The following NEDD4L variants were observed in gnomAD, a reference collection of about 807,000 sequenced individuals.
The protein encoded by NEDD4L is NEDD4 like E3 ubiquitin protein ligase.
Under a neutral mutation model 148.9 loss-of-function variants are expected in NEDD4L, and 54 were observed. The ratio of observed to expected loss-of-function variants is 0.36; its 90% CI spans 0.29 to 0.45. The LOEUF (loss-of-function observed/expected upper bound fraction) is 0.45, where lower values mean the gene tolerates loss of function less well. Among genes scored for constraint, NEDD4L ranks in the 20% least tolerant of loss-of-function variants. The pLI, the probability that NEDD4L is intolerant of heterozygous loss-of-function variation, is 1.00. For missense variants in NEDD4L, 856 were observed against 1,233.8 expected (o/e 0.69, Z 4.59); for synonymous variants, 433 against 440.7 (o/e 0.98, Z 0.22).
chr18:58,152,341 G>C (rs1275395463), intron 1 of NEDD4L, among the ~76,000 whole-genome samples: 2 of 152,164 alleles, frequency 1.3e-5, no homozygotes, highest in African/African-American at 4.8e-5. Flanking sequence ...GGCTCCGAGA[G>C]AGTCAAATAT....
intron 1 of NEDD4L, among the ~76,000 whole-genome samples, chr18:58,145,389 C>T (rs1380328866): frequency 3.3e-5 from 5 of 152,102 alleles, no homozygotes; most frequent in African/African-American, 9.7e-5. Context: ...AATAATATAC[C>T]GTGGGTATCT....
At chr18:58,304,263 A>G (rs1409283873) in intron 5 of NEDD4L, among the ~76,000 whole-genome samples, 1 of 151,800 alleles carries the variant, frequency 6.6e-6, no homozygotes, top group East Asian at 1.9e-4. Flanking sequence ...TCATACCTGT[A>G]ATCTCAGCAC....
At chr18:58,050,981 C>A (rs2081841600) in intron 1 of NEDD4L, among the ~76,000 whole-genome samples, 1 of 152,140 alleles carries the variant, frequency 6.6e-6, no homozygotes, top group Non-Finnish European at 1.5e-5. Flanking sequence ...CTCAATATAT[C>A]TGGTATATTT....
intron 1 of NEDD4L, among the ~76,000 whole-genome samples, chr18:58,056,684 G>A (rs769054031): frequency 1.3e-5 from 2 of 151,958 alleles, no homozygotes; most frequent in African/African-American, 2.4e-5. Flanking sequence ...GGGTTTAAGC[G>A]ATTCTCCTGC....
At chr18:58,368,236 G>A (rs1041900364) in intron 22 of NEDD4L, among the ~76,000 whole-genome samples, 7 of 133,904 alleles carry the variant, frequency 5.2e-5, no homozygotes, top group African/African-American at 2.3e-4. Context: ...TGTGATTATT[G>A]CGTTTGTCCC....
At chr18:58,087,530 G>A (rs1387687031) in intron 1 of NEDD4L, among the ~76,000 whole-genome samples, 4 of 151,984 alleles carry the variant, frequency 2.6e-5, no homozygotes, top group African/African-American at 9.7e-5. Flanking sequence ...GTTAGTTTTT[G>A]TTATGTGTTG....
chr18:58,343,300 C>G (rs567265522), intron 16 of NEDD4L, among the ~76,000 whole-genome samples, 197 bp downstream of exon 16: 1 of 152,018 alleles, frequency 6.6e-6, no homozygotes, highest in South Asian at 2.1e-4. Flanking sequence ...TGGTAGCTGT[C>G]TTTGGTATTG....
At chr18:58,123,377 C>T (rs1318413650) in intron 1 of NEDD4L, among the ~76,000 whole-genome samples, 3 of 152,186 alleles carry the variant, frequency 2.0e-5, no homozygotes, top group South Asian at 2.1e-4. Flanking sequence ...CACTTGAAAT[C>T]GTCTTGGAAA....
chr18:58,201,835 G>A (rs1229700093), intron 2 of NEDD4L, among the ~76,000 whole-genome samples: 2 of 152,040 alleles, frequency 1.3e-5, no homozygotes, highest in Admixed American at 6.6e-5. Flanking sequence ...TTTTCACTTA[G>A]CGTTGTATAC....
At chr18:58,086,125 T>C (rs2145203883) in intron 1 of NEDD4L, among the ~76,000 whole-genome samples, 1 of 152,344 alleles carries the variant, frequency 6.6e-6, no homozygotes, top group African/African-American at 2.4e-5. Context: ...CTTTAAAACA[T>C]TTGACTCTGA....
At chr18:58,347,682 T>C (rs1044121887) in intron 16 of NEDD4L, among the ~76,000 whole-genome samples, 1 of 152,210 alleles carries the variant, frequency 6.6e-6, no homozygotes, top group African/African-American at 2.4e-5. Flanking sequence ...TCAATATGCA[T>C]CACAAACTGC....
intron 2 of NEDD4L, among the ~76,000 whole-genome samples, chr18:58,231,201 C>T (rs566727722): frequency 4.1e-4 from 59 of 144,274 alleles, no homozygotes; most frequent in Admixed American, 1.1e-3. Flanking sequence ...AGAGATTGTG[C>T]CACTGCAGCC....
rs146665030 is a variant in NEDD4L at position 58,200,149 on chromosome 18, A to G, written c.122+34288A>G. 9.8e-5 allele frequency among the ~76,000 whole-genome samples: 15 copies of G among 152,358 alleles called. No individual in the cohort carries two copies. The East Asian group carries it at 2.9e-3, about 29-fold the overall frequency. ...GTTATCTCGGCTCTCTGCTCAGGGT[A>G]GCCATGAAATGGCTCTTTTAAAAAT... On this transcript the variant is annotated intron_variant, in intron 2 of 30. Transcript: ENST00000400345.
chr18:58,335,920 G>A (rs996634980), intron 13 of NEDD4L: 7 of 204,232 alleles, frequency 3.4e-5, no homozygotes, highest in African/African-American at 1.6e-4. Context: ...GCATGAGACT[G>A]TGTGTGTGAT....
At chr18:58,278,818 T>A (rs1334053344) in intron 5 of NEDD4L, among the ~76,000 whole-genome samples, 1 of 152,240 alleles carries the variant, frequency 6.6e-6, no homozygotes, top group Admixed American at 6.5e-5. Flanking sequence ...ATGGAGATTT[T>A]CAGAATAAAA....
At chr18:58,077,240 C>A (rs1030753831) in intron 1 of NEDD4L, among the ~76,000 whole-genome samples, 4 of 123,096 alleles carry the variant, frequency 3.2e-5, no homozygotes, top group Non-Finnish European at 4.7e-5. Flanking sequence ...GTGGTGTGAT[C>A]TCTGCAGCCT....
chr18:58,229,847 G>A (rs924096162), intron 2 of NEDD4L, among the ~76,000 whole-genome samples: 1 of 152,074 alleles, frequency 6.6e-6, no homozygotes, highest in African/African-American at 2.4e-5. Flanking sequence ...AAAATTAGCT[G>A]GGCGTGGTGG....
intron 5 of NEDD4L, among the ~76,000 whole-genome samples, chr18:58,300,854 T>G (rs1432036440): frequency 1.3e-5 from 2 of 152,236 alleles, no homozygotes; most frequent in Non-Finnish European, 2.9e-5. Flanking sequence ...ATTGGAAGTA[T>G]GTGCATATTG....
At chr18:58,175,745 G>A (rs2038055315) in intron 2 of NEDD4L, among the ~76,000 whole-genome samples, 1 of 152,186 alleles carries the variant, frequency 6.6e-6, no homozygotes, top group Admixed American at 6.5e-5. Context: ...TGACATTAAA[G>A]GATAGTAACT....
Sources: allele counts gnomAD v4.1 joint callset (sites outside exome capture counted in the v4.1 genomes callset), GRCh38; gene constraint gnomAD v4.1.1; transcripts MANE v1.5; gene names NCBI Gene and HGNC (gene_info 2026-07-23, HGNC 2026-07-21).